PPM1D: variants seen among roughly 807,000 people sequenced by gnomAD.
The protein encoded by PPM1D is protein phosphatase, Mg2+/Mn2+ dependent 1D.
In PPM1D, 52 loss-of-function variants were observed where a neutral mutation model predicts 58.3. That is an observed-to-expected ratio of 0.89 (90% CI 0.71 to 1.12). The LOEUF (loss-of-function observed/expected upper bound fraction) is 1.12. PPM1D is among the 50% of genes most tolerant of loss of function. The pLI, the probability that PPM1D is intolerant of heterozygous loss-of-function variation, is 0.00. For missense variants in PPM1D, 564 were observed against 777.2 expected, an observed-to-expected ratio of 0.73 and a Z score of 3.26; for synonymous variants, 278 against 285.1, an observed-to-expected ratio of 0.98 and a Z score of 0.25.
Position 60,645,486 on chromosome 17 carries a change from G to A in PPM1D, c.827-2406G>A, listed in dbSNP as rs991283308. Reference sequence around the variant, plus strand: ...TGTGTGTGTGTGTGTGTGTGTGTGTGTGTGTGTATGTGTATATATATATGT... The same window carrying A: ...TGTGTGTGTGTGTGTGTGTGTGTGTATGTGTGTATGTGTATATATATATGT... On this transcript the variant is annotated intron_variant, in intron 3 of 5. Transcript: ENST00000305921. Among the ~76,000 whole-genome samples the A allele has an allele frequency of 2.2e-3, 315 of 142,166 alleles. 2 individuals carry two copies. Among genetic ancestry groups the A allele is most frequent in the African/African-American group, 8.2e-3 (297 of 36,310 alleles). 93.3% of individuals were successfully genotyped at this position (142,166 alleles called of 152,430 possible). A position where few individuals can be genotyped will look rare whatever the true frequency, so the allele number is the denominator to read the frequency against.
intron 1 of PPM1D, among the ~76,000 whole-genome samples, chr17:60,607,853 G>C (rs760719351): frequency 6.6e-6 from 1 of 152,164 alleles, no homozygotes; most frequent in Non-Finnish European, 1.5e-5. Context: ...TTGTTAACTT[G>C]GACTGAAGAT....
intron 3 of PPM1D, among the ~76,000 whole-genome samples, chr17:60,638,729 C>G (rs913085193): frequency 1.3e-5 from 2 of 152,068 alleles, no homozygotes; most frequent in African/African-American, 4.8e-5. Context: ...TAGCTTGTTG[C>G]ATGGAAATAC....
chr17:60,619,983 G>GTTTTGTTTTGTTTTGT (rs1555645340), intron 1 of PPM1D, among the ~76,000 whole-genome samples: 4 of 149,542 alleles, frequency 2.7e-5, no homozygotes, highest in African/African-American at 1.0e-4. Context: ...TTTTGTTTTT[G>GTTTTGTTTTGTTTTGT]TTTGTTTTGT....
At chr17:60,655,895 G>T (rs1362043597) in intron 4 of PPM1D, among the ~76,000 whole-genome samples, 2 of 149,942 alleles carry the variant, frequency 1.3e-5, no homozygotes, top group African/African-American at 2.4e-5. Flanking sequence ...TAGAGATAGG[G>T]TTTCACCATG....
At chr17:60,621,977 G>A (rs1385712690) in intron 1 of PPM1D, among the ~76,000 whole-genome samples, 1 of 150,578 alleles carries the variant, frequency 6.6e-6, no homozygotes, top group African/African-American at 2.4e-5. Flanking sequence ...CACGAGGTCA[G>A]GAGATCGAGA....
chr17:60,652,788 G>C (rs1469494810), intron 4 of PPM1D, among the ~76,000 whole-genome samples: 2 of 151,838 alleles, frequency 1.3e-5, no homozygotes, highest in African/African-American at 2.4e-5. Flanking sequence ...TCATATATCT[G>C]TTAATCATTT....
At chr17:60,628,077 A>T (rs1311079191) in intron 2 of PPM1D, among the ~76,000 whole-genome samples, 2 of 151,066 alleles carry the variant, frequency 1.3e-5, no homozygotes, top group Non-Finnish European at 3.0e-5. Flanking sequence ...CGAACTCCCG[A>T]CCTCAGGCGA....
intron 3 of PPM1D, among the ~76,000 whole-genome samples, chr17:60,640,184 G>C (rs1413469309): frequency 1.3e-5 from 2 of 152,238 alleles, no homozygotes; most frequent in Middle Eastern, 3.4e-3. Context: ...GGTTGCACGC[G>C]CTTGTAGTCT....
Position 60,636,496 on chromosome 17 carries a change from C to G in PPM1D, c.826+2519C>G, listed in dbSNP as rs976630745. On this transcript the variant is annotated intron_variant, in intron 3 of 5. Transcript: ENST00000305921. ...ACACATACTGTGTTAGAAATGCTAC[C>G]AAGAAAAATAAAGCAGGGAATGCTA... Among the ~76,000 whole-genome samples, 3 of 151,866 alleles carry G rather than the reference C, an allele frequency of 2.0e-5. No homozygotes were observed. In the East Asian group the frequency reaches 5.8e-4, roughly 29 times the overall value.
chr17:60,625,275 A>G (rs1296418087), intron 2 of PPM1D, among the ~76,000 whole-genome samples: 1 of 152,240 alleles, frequency 6.6e-6, no homozygotes, highest in African/African-American at 2.4e-5. Flanking sequence ...TAAAAGTAAA[A>G]CATTAAGATG....
intron 3 of PPM1D, among the ~76,000 whole-genome samples, chr17:60,637,531 C>T (rs1257363311): frequency 6.6e-6 from 1 of 152,168 alleles, no homozygotes; most frequent in East Asian, 1.9e-4. Flanking sequence ...ACCCTTTCGG[C>T]ATGTTTTAGA....
chr17:60,605,110 G>A (rs1041467683), intron 1 of PPM1D, among the ~76,000 whole-genome samples: 1 of 152,134 alleles, frequency 6.6e-6, no homozygotes, highest in Non-Finnish European at 1.5e-5. Flanking sequence ...TCCTGGCCAG[G>A]AATATTCTTA....
intron 1 of PPM1D, among the ~76,000 whole-genome samples, chr17:60,610,522 T>A (rs767739174): frequency 1.3e-5 from 2 of 152,230 alleles, no homozygotes; most frequent in African/African-American, 2.4e-5. Flanking sequence ...TGTCTTTGGT[T>A]GTTCTTCAAA....
At chr17:60,607,580 C>T (rs1234520954) in intron 1 of PPM1D, among the ~76,000 whole-genome samples, 1 of 152,292 alleles carries the variant, frequency 6.6e-6, no homozygotes, top group Non-Finnish European at 1.5e-5. Context: ...GGATTACAGG[C>T]GTGAGCCACC....
chr17:60,660,271 G>A (rs972463007), intron 5 of PPM1D, among the ~76,000 whole-genome samples: 1 of 152,110 alleles, frequency 6.6e-6, no homozygotes, highest in East Asian at 1.9e-4. Context: ...AGGAGGCGGA[G>A]GTTGCATTGA....
At chr17:60,612,397 G>C (rs1309103759) in intron 1 of PPM1D, among the ~76,000 whole-genome samples, 1 of 151,904 alleles carries the variant, frequency 6.6e-6, no homozygotes, top group Non-Finnish European at 1.5e-5. Flanking sequence ...AACCTAGATG[G>C]TATAGCCTAC....
intron 5 of PPM1D, among the ~76,000 whole-genome samples, chr17:60,659,760 T>G (rs753223727): frequency 6.6e-6 from 1 of 152,172 alleles, no homozygotes; most frequent in Non-Finnish European, 1.5e-5. Context: ...GCAATACAAA[T>G]TAACCTGGGG....
chr17:60,622,080 T>C (rs956442079), intron 1 of PPM1D, among the ~76,000 whole-genome samples: 1 of 150,754 alleles, frequency 6.6e-6, no homozygotes, highest in African/African-American at 2.4e-5. Flanking sequence ...GTCCCAGCTA[T>C]TTGGGAGGCT....
At chr17:60,621,518 C>A (rs567884582) in intron 1 of PPM1D, among the ~76,000 whole-genome samples, 1 of 151,796 alleles carries the variant, frequency 6.6e-6, no homozygotes, top group Non-Finnish European at 1.5e-5. Context: ...CCTCAGCCTC[C>A]TGAGTAGCTG....
Sources: allele counts gnomAD v4.1 joint callset (sites outside exome capture counted in the v4.1 genomes callset), GRCh38; gene constraint gnomAD v4.1.1; transcripts MANE v1.5; gene names NCBI Gene and HGNC (gene_info 2026-07-23, HGNC 2026-07-21).